Variants in UMAD1 observed in about 807,000 individuals in gnomAD.
The protein encoded by UMAD1 is UBAP1-MVB12-associated (UMA) domain containing 1.
In UMAD1, 8 loss-of-function variants were observed where a neutral mutation model predicts 6.1. That is an observed-to-expected ratio of 1.30 (90% confidence interval 0.76 to 2.35). UMAD1 has a LOEUF of 2.35. UMAD1 is among the 30% of genes most tolerant of loss of function. The pLI is 0.00. For synonymous variants in UMAD1, 56 were observed against 31.4 expected, an observed-to-expected ratio of 1.78 and a Z score of -2.61; for missense variants, 130 against 78.4, an observed-to-expected ratio of 1.66 and a Z score of -2.49.
At chr7:7,699,984 G>T (rs548418696) in intron 2 of UMAD1, among the ~76,000 whole-genome samples, 1 of 152,316 alleles carries the variant, frequency 6.6e-6, no homozygotes, top group East Asian at 1.9e-4. Context: ...TTCTTCTCAT[G>T]AAGTAAGTGT....
chr7:7,690,843 T>A (rs536045374), intron 2 of UMAD1, among the ~76,000 whole-genome samples: 1 of 152,346 alleles, frequency 6.6e-6, no homozygotes, highest in South Asian at 2.1e-4. Flanking sequence ...AAAGTTGGGT[T>A]AAATTTTCAC....
chr7:7,858,961 A>G (rs1195115170), intron 3 of UMAD1, among the ~76,000 whole-genome samples: 1 of 152,178 alleles, frequency 6.6e-6, no homozygotes, highest in Non-Finnish European at 1.5e-5. Flanking sequence ...ATTTTAAAGA[A>G]CACAACTCAT....
chr7:7,750,667 T>C (rs77835710), intron 2 of UMAD1, among the ~76,000 whole-genome samples: 2,509 of 152,288 alleles, frequency 0.016, 71 homozygotes, highest in African/African-American at 0.058. Context: ...AGTATACTTA[T>C]GAGGTAGGCA....
chr7:7,650,889 C>T (rs996619246), intron 1 of UMAD1, among the ~76,000 whole-genome samples: 2 of 152,296 alleles, frequency 1.3e-5, no homozygotes, highest in Non-Finnish European at 2.9e-5. Context: ...TGCTGTCCCT[C>T]CCCAACACTT....
At chr7:7,798,639 C>T (rs1030155988) in intron 2 of UMAD1, among the ~76,000 whole-genome samples, 3 of 152,206 alleles carry the variant, frequency 2.0e-5, no homozygotes, top group Non-Finnish European at 2.9e-5. Context: ...TATCAGAGCC[C>T]TTGGCTCCTC....
At chr7:7,847,196 A>C (rs1273599530) in intron 3 of UMAD1, among the ~76,000 whole-genome samples, 2 of 139,288 alleles carry the variant, frequency 1.4e-5, no homozygotes, top group East Asian at 4.2e-4. Context: ...GCTTAGGGTG[A>C]CCAATGAACA....
intron 2 of UMAD1, among the ~76,000 whole-genome samples, chr7:7,694,667 A>T (rs189284098): frequency 6.6e-6 from 1 of 152,168 alleles, no homozygotes; most frequent in East Asian, 1.9e-4. Flanking sequence ...GACTTATTTC[A>T]CTTAACATAA....
At chr7:7,748,692 C>T (rs1295700498) in intron 2 of UMAD1, among the ~76,000 whole-genome samples, 2 of 151,942 alleles carry the variant, frequency 1.3e-5, no homozygotes, top group African/African-American at 2.4e-5. Flanking sequence ...TAAAATACAA[C>T]CTATCATGTT....
intron 3 of UMAD1, among the ~76,000 whole-genome samples, chr7:7,819,805 C>T (rs984184588): frequency 6.6e-6 from 1 of 152,320 alleles, no homozygotes; most frequent in Admixed American, 6.5e-5. Context: ...TCTAACTTCT[C>T]ATCCGGGTAC....
intron 2 of UMAD1, among the ~76,000 whole-genome samples, chr7:7,691,869 A>G (rs181413482): frequency 4.1e-4 from 63 of 152,340 alleles, no homozygotes; most frequent in Admixed American, 1.7e-3. Context: ...TTTTTAGTTA[A>G]AATTTTATCT....
chr7:7,786,972 A>G (rs1294394334), intron 2 of UMAD1, among the ~76,000 whole-genome samples: 2 of 152,342 alleles, frequency 1.3e-5, no homozygotes, highest in Non-Finnish European at 2.9e-5. Flanking sequence ...TTTCTCTTTT[A>G]TTCCATGCTA....
At chr7:7,645,980 G>A (rs1002272147) in intron 1 of UMAD1, among the ~76,000 whole-genome samples, 1 of 152,238 alleles carries the variant, frequency 6.6e-6, no homozygotes, top group African/African-American at 2.4e-5. Context: ...CTCGGCTGCC[G>A]TGTACTCAAA....
At chr7:7,807,498 GTC>G (rs1243733694) in intron 3 of UMAD1, among the ~76,000 whole-genome samples, 1 of 152,002 alleles carries the variant, frequency 6.6e-6, no homozygotes, top group Non-Finnish European at 1.5e-5. Context: ...TTTGTTAAGT[GTC>G]TGTGATATTT....
chr7:7,727,028 C>T (rs1218163468), intron 2 of UMAD1, among the ~76,000 whole-genome samples: 1 of 152,178 alleles, frequency 6.6e-6, no homozygotes, highest in East Asian at 1.9e-4. Context: ...TGGCCAAGAC[C>T]CTTCAATAAT....
intron 2 of UMAD1, among the ~76,000 whole-genome samples, chr7:7,790,572 A>G (rs910930997): frequency 4.6e-5 from 7 of 152,196 alleles, no homozygotes; most frequent in African/African-American, 4.8e-5. Flanking sequence ...TCAGTGGGCC[A>G]GTGAACAGGT....
At position 7,673,340 on chromosome 7, in the gene UMAD1, CA is replaced by C. The variant is rs1779655533; in HGVS notation, c.-31del. On this transcript the variant is annotated 5_prime_UTR_variant, in exon 2 of 4. Coordinates refer to ENST00000682710, the MANE Select transcript of UMAD1 (RefSeq NM_001302348.2). ...GCAGCAGCAGCAGCAGCAGCAGCAG[CA>C]GCAGCAGCAGCAGCAGCAGCAGCAG... 8.0e-7 allele frequency: 1 copy of C among 1,252,404 alleles called. No homozygotes were observed. Among genetic ancestry groups the C allele is most frequent in the African/African-American group, 1.5e-5 (1 of 66,740 alleles). 77.6% of individuals were successfully genotyped at this position (1,252,404 alleles called of 1,614,324 possible).
At chr7:7,844,742 G>T (rs1253551308) in intron 3 of UMAD1, among the ~76,000 whole-genome samples, 4 of 152,036 alleles carry the variant, frequency 2.6e-5, no homozygotes, top group African/African-American at 4.8e-5. Flanking sequence ...CCATCCACAG[G>T]TTTCTCATCC....
At chr7:7,866,770 G>C (rs1473857381) in intron 3 of UMAD1, among the ~76,000 whole-genome samples, 1 of 152,176 alleles carries the variant, frequency 6.6e-6, no homozygotes, top group Admixed American at 6.5e-5. Flanking sequence ...AAGGAGTTTG[G>C]TCTTTTTTCA....
chr7:7,826,755 A>G (rs1328924864), intron 3 of UMAD1, among the ~76,000 whole-genome samples: 1 of 152,072 alleles, frequency 6.6e-6, no homozygotes, highest in Non-Finnish European at 1.5e-5. Flanking sequence ...CTCATTGACT[A>G]TATCTATCAG....
Sources: allele counts gnomAD v4.1 joint callset (sites outside exome capture counted in the v4.1 genomes callset), GRCh38; gene constraint gnomAD v4.1.1; transcripts MANE v1.5; gene names NCBI Gene and HGNC (gene_info 2026-07-23, HGNC 2026-07-21).